Variants in C8orf34 observed in about 807,000 individuals in gnomAD.
C8orf34 encodes the protein uncharacterized protein C8orf34.
Under a neutral mutation model 68.3 loss-of-function variants are expected in C8orf34, and 65 were observed. The observed-to-expected ratio is 0.95, with a 90% confidence interval of 0.78 to 1.17. The LOEUF (loss-of-function observed/expected upper bound fraction) is 1.17, where lower values mean the gene tolerates loss of function less well. Among genes scored for constraint, C8orf34 ranks in the 50% most tolerant of loss-of-function variants. The probability of loss-of-function intolerance (pLI) is 0.00; values close to 1 mark genes in which losing one functional copy is unlikely to be tolerated. For synonymous variants in C8orf34, 244 were observed against 241.2 expected, an observed-to-expected ratio of 1.01 and a Z score of -0.11; for missense variants, 664 against 655.4, an observed-to-expected ratio of 1.01 and a Z score of -0.14.
At chr8:68,641,656 G>A (rs1318027897) in intron 8 of C8orf34, among the ~76,000 whole-genome samples, 1 of 152,174 alleles carries the variant, frequency 6.6e-6, no homozygotes, top group African/African-American at 2.4e-5. Context: ...ATTTTGACTG[G>A]AGAGGGGTCG....
At chr8:68,485,864 G>A (rs929160051) in intron 4 of C8orf34, among the ~76,000 whole-genome samples, 1 of 151,666 alleles carries the variant, frequency 6.6e-6, no homozygotes, top group African/African-American at 2.4e-5. Context: ...ACAGAATTCT[G>A]TTTCATATTA....
chr8:68,392,970 C>T (rs1179247806), intron 1 of C8orf34, among the ~76,000 whole-genome samples: 2 of 152,098 alleles, frequency 1.3e-5, no homozygotes, highest in Non-Finnish European at 2.9e-5. Flanking sequence ...CATTAGCCAA[C>T]ATTTTATTTC....
intron 7 of C8orf34, among the ~76,000 whole-genome samples, chr8:68,630,344 G>A (rs1195325108): frequency 6.6e-6 from 1 of 151,940 alleles, no homozygotes; most frequent in East Asian, 1.9e-4. Flanking sequence ...TAGATATTTT[G>A]CATTATTTTA....
rs1447605800 is a variant in C8orf34 at position 68,403,011 on chromosome 8, T to A, written c.328-36488T>A. ...GGGAAGCAGCAGGCAGGGAAACTCC[T>A]TGTTGATGTTTCCTGCTGTTACTGG... On this transcript the variant is annotated intron_variant, in intron 1 of 13. Transcript: ENST00000518698. Among the ~76,000 whole-genome samples, 4 of 152,212 alleles carry A rather than the reference T, an allele frequency of 2.6e-5. No individual in the cohort carries two copies. In the East Asian group the frequency reaches 7.7e-4, roughly 29 times the overall value.
At chr8:68,426,451 G>A (rs192198504) in intron 1 of C8orf34, among the ~76,000 whole-genome samples, 1 of 149,230 alleles carries the variant, frequency 6.7e-6, no homozygotes, top group African/African-American at 2.5e-5. Flanking sequence ...CCTAGGAGGC[G>A]GAGGTTGTAG....
At position 68,427,638 on chromosome 8, in the gene C8orf34, T is replaced by C. The variant is rs575223923; in HGVS notation, c.328-11861T>C. Among the ~76,000 whole-genome samples the C allele has an allele frequency of 8.3e-4, 126 of 152,048 alleles. 1 individual carries two copies. The highest frequency in any genetic ancestry group is 1.1e-3 in the Non-Finnish European group (75 of 67,934). On this transcript the variant is annotated intron_variant, in intron 1 of 13. Coordinates refer to ENST00000518698, the MANE Select transcript of C8orf34 (RefSeq NM_052958.4). ...TCTTGACTGTGGCAGTGGTTACAGG[T>C]AGTCACACTACAATAAAATTGCATG...
At chr8:68,654,405 A>AT (rs1819453490) in intron 8 of C8orf34, among the ~76,000 whole-genome samples, 1 of 152,032 alleles carries the variant, frequency 6.6e-6, no homozygotes, top group Non-Finnish European at 1.5e-5. Flanking sequence ...TTTCAGCTTC[A>AT]TTTTTTATCT....
At chr8:68,805,926 T>G (rs2129529744) in intron 12 of C8orf34, among the ~76,000 whole-genome samples, 1 of 152,220 alleles carries the variant, frequency 6.6e-6, no homozygotes, top group East Asian at 1.9e-4. Context: ...TCCTTCTTTC[T>G]TGCCTTTTTT....
chr8:68,362,362 A>G (rs1198963022), intron 1 of C8orf34, among the ~76,000 whole-genome samples: 1 of 152,236 alleles, frequency 6.6e-6, no homozygotes, highest in Non-Finnish European at 1.5e-5. Flanking sequence ...AATATTTAGC[A>G]GAGTCCACTG....
chr8:68,401,420 G>A (rs1300379015), intron 1 of C8orf34, among the ~76,000 whole-genome samples: 6 of 152,050 alleles, frequency 3.9e-5, no homozygotes, highest in Non-Finnish European at 1.5e-5. Context: ...ATGTTGAATA[G>A]GAGTGGTCAG....
chr8:68,434,673 C>T (rs1810583051), intron 1 of C8orf34, among the ~76,000 whole-genome samples: 1 of 152,058 alleles, frequency 6.6e-6, no homozygotes, highest in Admixed American at 6.6e-5. Context: ...ATAAAGGAAA[C>T]AGGTATTAGT....
intron 8 of C8orf34, among the ~76,000 whole-genome samples, chr8:68,674,920 A>C (rs1820134265): frequency 7.2e-6 from 1 of 139,264 alleles, no homozygotes; most frequent in South Asian, 2.2e-4. Flanking sequence ...AAAAGGAACA[A>C]ATAGCATGCA....
intron 6 of C8orf34, chr8:68,530,596 A>G (rs1815202637): frequency 4.8e-6 from 6 of 1,258,024 alleles, no homozygotes; most frequent in Non-Finnish European, 5.2e-6. Flanking sequence ...TTCTCAGTTT[A>G]GAAGACACGT....
chr8:68,705,738 T>A (rs1471779078), intron 8 of C8orf34, among the ~76,000 whole-genome samples: 1 of 152,080 alleles, frequency 6.6e-6, no homozygotes, highest in Non-Finnish European at 1.5e-5. Flanking sequence ...TGTGGGTTTT[T>A]TTTTAAGACT....
At chr8:68,445,941 C>T (rs1045951467) in intron 2 of C8orf34, among the ~76,000 whole-genome samples, 13 of 152,198 alleles carry the variant, frequency 8.5e-5, no homozygotes, top group African/African-American at 3.1e-4. Flanking sequence ...AGACGCCCGC[C>T]ATCATGCCCG....
intron 7 of C8orf34, among the ~76,000 whole-genome samples, chr8:68,581,665 A>G (rs1410221104): frequency 6.6e-6 from 1 of 152,142 alleles, no homozygotes; most frequent in African/African-American, 2.4e-5. Flanking sequence ...ATGATCAGGA[A>G]GCATCATGAA....
intron 12 of C8orf34, among the ~76,000 whole-genome samples, chr8:68,793,288 A>G (rs1824068131): frequency 6.6e-6 from 1 of 152,246 alleles, no homozygotes; most frequent in South Asian, 2.1e-4. Context: ...CAAAAGGCTG[A>G]GAGTAAATCT....
At chr8:68,730,710 G>A (rs978977881) in intron 10 of C8orf34, among the ~76,000 whole-genome samples, 2 of 151,950 alleles carry the variant, frequency 1.3e-5, no homozygotes, top group African/African-American at 2.4e-5. Flanking sequence ...ATTAATAAAA[G>A]TATGACATTA....
chr8:68,622,306 A>T (rs1381509997), intron 7 of C8orf34, among the ~76,000 whole-genome samples: 1 of 152,228 alleles, frequency 6.6e-6, no homozygotes, highest in Non-Finnish European at 1.5e-5. Context: ...GTTAAAAGCA[A>T]ATCACTACAT....
Sources: allele counts gnomAD v4.1 joint callset (sites outside exome capture counted in the v4.1 genomes callset), GRCh38; gene constraint gnomAD v4.1.1; transcripts MANE v1.5; gene names NCBI Gene and HGNC (gene_info 2026-07-23, HGNC 2026-07-21).